CIT: variants seen among roughly 807,000 people sequenced by gnomAD.
CIT encodes citron rho-interacting serine/threonine kinase, also known as citron Rho-interacting kinase.
CIT carries 79 observed loss-of-function variants against 272.7 expected under a neutral mutation model. The observed-to-expected ratio is 0.29, with a 90% CI of 0.24 to 0.35. The LOEUF is 0.35. Among genes scored for constraint, CIT ranks in the 10% least tolerant of loss-of-function variants. The pLI is 1.00. For synonymous variants in CIT, 948 were observed against 995.6 expected, an observed-to-expected ratio of 0.95 and a Z score of 0.90; for missense variants, 1,909 against 2,618.3, an observed-to-expected ratio of 0.73 and a Z score of 5.91.
rs375867664 is a variant in CIT at position 119,721,435 on chromosome 12, C to T, written c.3606G>A (p.Gln1202=). The T allele has an allele frequency of 4.2e-5, 68 of 1,607,546 alleles. No individual in the cohort carries two copies. The highest frequency in any genetic ancestry group is 5.6e-5 in the Non-Finnish European group (66 of 1,174,816). The change falls in exon 29 of 48, where the codon CAG becomes CAA. Residue 1202 remains glutamine (Q), a synonymous_variant. Coordinates refer to ENST00000392521, the MANE Select transcript of CIT (RefSeq NM_001206999.2). ...GATTTTTCTGCAGGTCCATCTGCTG[C>T]TGTAATTTGGCTTGCTAGTGGGGAG... ...QRLLEEQAKL[Q]QQMDLQKNHI...
chr12:119,702,027 T>A, intron 41 of CIT, 69 bp from the exon 42 acceptor site: 1 of 1,150,376 alleles, frequency 8.7e-7, no homozygotes, highest in Non-Finnish European at 1.3e-6. Flanking sequence ...ACAGCTGTTC[T>A]GCTTCTGCCT....
Position 119,834,112 on chromosome 12 carries a change from G to C in CIT, c.633C>G (p.Ser211Arg). ...GATGCACGTATCCCATCAGATGAAC[G>C]CTGTGAACAGCCAAAATCAGCTCAG... is the stretch of plus-strand genomic sequence containing the variant. ...YLAELILAVH[S>R]VHLMGYVHRD... Residue 211 changes from serine (S) to arginine (R), a missense_variant, in exon 6 of 48, where the codon AGC (serine) becomes AGG (arginine). Coordinates refer to ENST00000392521, the MANE Select transcript of CIT (RefSeq NM_001206999.2). The C allele has an allele frequency of 6.2e-7, 1 of 1,613,750 alleles. No individual in the cohort carries two copies.
chr12:119,822,398 G>C (rs897869260), intron 9 of CIT, among the ~76,000 whole-genome samples: 4 of 152,206 alleles, frequency 2.6e-5, no homozygotes, highest in African/African-American at 7.2e-5. Context: ...ACACAGGGAG[G>C]TGTTTATGGT....
chr12:119,707,513 C>T (rs1774840597), intron 40 of CIT, among the ~76,000 whole-genome samples: 1 of 150,436 alleles, frequency 6.6e-6, no homozygotes, highest in Non-Finnish European at 1.5e-5. Flanking sequence ...CCACAAAGGC[C>T]ATTGCAATCT....
chr12:119,735,400 T>A (rs1820309797), intron 24 of CIT, 43 bp from the exon 25 acceptor site: 1 of 1,592,530 alleles, frequency 6.3e-7, no homozygotes, highest in African/African-American at 1.3e-5. Context: ...AGCACATTCA[T>A]TTCAAATAAG....
At chr12:119,859,550 C>T (rs889028173) in intron 3 of CIT, among the ~76,000 whole-genome samples, 3 of 152,018 alleles carry the variant, frequency 2.0e-5, no homozygotes, top group African/African-American at 7.2e-5. Context: ...GGCGCAGTAG[C>T]TCACGCCTGT....
At chr12:119,711,984 C>T (rs1015324759) in intron 37 of CIT, among the ~76,000 whole-genome samples, 194 bp downstream of exon 37, 3 of 152,080 alleles carry the variant, frequency 2.0e-5, no homozygotes, top group Non-Finnish European at 2.9e-5. Context: ...GATCATGATG[C>T]CACACAAGCT....
intron 22 of CIT, 22 bp downstream of exon 22, chr12:119,757,349 G>T (rs749632854): frequency 6.2e-7 from 1 of 1,612,576 alleles, no homozygotes; most frequent in African/African-American, 1.3e-5. Context: ...AATCCTCCCA[G>T]GAGATGACTC....
rs1214723932 is a variant in CIT at position 119,770,703 on chromosome 12, G to A, written c.2208+82C>T. ...TTGGAGATACCTCCCTTATTGTGGC[G>A]GTTAATTCTTCTTCTTACCCCCTTC... is the stretch of plus-strand genomic sequence containing the variant. On this transcript the variant is annotated intron_variant, in intron 18 of 47. Coordinates refer to ENST00000392521, the MANE Select transcript of CIT (RefSeq NM_001206999.2). The surrounding 1 kb of genome is among the most constrained non-coding windows in gnomAD (Gnocchi z 4.4). The A allele has an allele frequency of 4.1e-5, 62 of 1,514,210 alleles. No individual in the cohort carries two copies. The highest frequency in any genetic ancestry group is 1.9e-4 in the South Asian group (16 of 85,046). 93.8% of individuals were successfully genotyped at this position (1,514,210 alleles called of 1,614,324 possible). A position where few individuals can be genotyped will look rare whatever the true frequency, so the allele number is the denominator to read the frequency against.
Position 119,754,453 on chromosome 12 carries a change from G to A in CIT, c.2707-2206C>T, listed in dbSNP as rs779384686. Among the ~76,000 whole-genome samples, 6 of 152,176 alleles carry A rather than the reference G, an allele frequency of 3.9e-5. No homozygotes were observed. The East Asian group carries it at 5.8e-4, about 15-fold the overall frequency. ...TACTAGCAAGCCTGAAAATGCTTCC[G>A]ATGCCATTTGGCAAAACCAAGAGAG... is the stretch of plus-strand genomic sequence containing the variant. On this transcript the variant is annotated intron_variant, in intron 22 of 47. Coordinates refer to ENST00000392521, the MANE Select transcript of CIT (RefSeq NM_001206999.2).
chr12:119,713,955 A>G lies in CIT; in HGVS notation c.4306+242T>C. ...AAAGGTAGGGAGAGACCAGCCTGAC[A>G]AAAAGGGGCTGGAAATTAGCAAAGC... On this transcript the variant is annotated intron_variant, in intron 33 of 47. Coordinates refer to ENST00000392521, the MANE Select transcript of CIT (RefSeq NM_001206999.2). The surrounding 1 kb of genome is among the most constrained non-coding windows in gnomAD (Gnocchi z 5.2). 1 of 612,038 alleles carries G rather than the reference A, an allele frequency of 1.6e-6. No individual in the cohort carries two copies. Among genetic ancestry groups the G allele is most frequent in the Non-Finnish European group, 2.9e-6 (1 of 349,732 alleles). The allele number at this position is 612,038 out of a possible 1,614,324, so 37.9% of individuals were successfully genotyped here. A position where few individuals can be genotyped will look rare whatever the true frequency, so the allele number is the denominator to read the frequency against.
intron 24 of CIT, among the ~76,000 whole-genome samples, chr12:119,738,840 G>A (rs979669890): frequency 2.1e-5 from 3 of 145,452 alleles, no homozygotes; most frequent in Non-Finnish European, 4.5e-5. Flanking sequence ...CCAAGATCAC[G>A]CCATTGCACC....
intron 9 of CIT, among the ~76,000 whole-genome samples, chr12:119,809,852 G>T (rs1052795330): frequency 6.6e-6 from 1 of 152,164 alleles, no homozygotes; most frequent in African/African-American, 2.4e-5. Flanking sequence ...TGTTGATCAT[G>T]CCTATCCAAT....
In CIT at chr12:119,797,208, C is replaced by CA. The variant is rs199987211; in HGVS notation, c.1295+5997dup. ...ATGCAAATTAGCATGTGTAGGCCAG[C>CA]AAAAAACACACTTGACAGATCTTCT... On this transcript the variant is annotated intron_variant, in intron 10 of 47. Transcript: ENST00000392521. Among the ~76,000 whole-genome samples, 893 of 152,210 alleles carry CA rather than the reference C, an allele frequency of 5.9e-3. 13 individuals carry two copies. The highest frequency in any genetic ancestry group is 0.02 in the African/African-American group (822 of 41,538).
chr12:119,718,618 G>C lies in CIT; in HGVS notation c.4003+81C>G. On this transcript the variant is annotated intron_variant, in intron 31 of 47. Coordinates refer to ENST00000392521, the MANE Select transcript of CIT (RefSeq NM_001206999.2). This position sits in a 1 kb window ranked among gnomAD's most constrained non-coding sequence, Gnocchi z 4.8. Reference sequence around the variant, plus strand: ...GGCCATAAACGAAGACACTGAGCTAGTTAGTCTTGGCTGATCTCACTGAGA... The same window carrying C: ...GGCCATAAACGAAGACACTGAGCTACTTAGTCTTGGCTGATCTCACTGAGA... The C allele has an allele frequency of 1.3e-6, 2 of 1,565,702 alleles. No individual in the cohort carries two copies. The highest frequency in any genetic ancestry group is 1.7e-6 in the Non-Finnish European group (2 of 1,145,042).
chr12:119,714,379 T>C, intron 32 of CIT, 45 bp from the exon 33 acceptor site: 1 of 1,607,462 alleles, frequency 6.2e-7, no homozygotes, highest in Non-Finnish European at 8.5e-7. Context: ...CTGCAAATGA[T>C]CCCATCAGGA....
rs577376983 is a variant in CIT, at chr12:119,710,169, T to G, written c.5071+82A>C. ...ACAACGGCTCCTCTCTACTATTTTG[T>G]GTTTTACGAGCATGAAACGTGGCTT... On this transcript the variant is annotated intron_variant, in intron 39 of 47. Transcript: ENST00000392521. This position sits in a 1 kb window ranked among gnomAD's most constrained non-coding sequence, Gnocchi z 5.6. The G allele has an allele frequency of 6.8e-7, 1 of 1,480,486 alleles. No homozygotes were observed. Among genetic ancestry groups the G allele is most frequent in the African/African-American group, 1.4e-5 (1 of 71,288 alleles). The allele number at this position is 1,480,486 out of a possible 1,614,324, so 91.7% of individuals were successfully genotyped here.
intron 23 of CIT, among the ~76,000 whole-genome samples, chr12:119,744,436 T>C (rs1959179286): frequency 6.6e-6 from 1 of 150,690 alleles, no homozygotes; most frequent in Admixed American, 6.6e-5. Flanking sequence ...AGAAGGTCTA[T>C]AGGAGGCCAG....
intron 4 of CIT, 46 bp downstream of exon 4, chr12:119,857,477 A>G (rs376008158): frequency 1.3e-6 from 2 of 1,592,176 alleles, no homozygotes; most frequent in Non-Finnish European, 1.7e-6. Context: ...TGCAATGAAC[A>G]CTCCGGTACA....
Sources: allele counts gnomAD v4.1 joint callset (sites outside exome capture counted in the v4.1 genomes callset), GRCh38; gene constraint gnomAD v4.1.1; non-coding constraint Gnocchi (gnomAD v3.1); transcripts MANE v1.5; gene names NCBI Gene and HGNC (gene_info 2026-07-23, HGNC 2026-07-21).